Variants in MRPS9 observed in about 807,000 individuals in gnomAD.
The protein encoded by MRPS9 is mitochondrial ribosomal protein S9.
MRPS9 carries 45 observed loss-of-function variants against 59.9 expected under a neutral mutation model. The observed-to-expected ratio is 0.75, with a 90% CI of 0.59 to 0.96. MRPS9 has a LOEUF of 0.96. Ranked by LOEUF, MRPS9 falls within the 40% of genes least tolerant of loss-of-function variation. MRPS9 has a pLI of 0.00. For missense variants in MRPS9, 473 were observed against 481.1 expected (o/e 0.98, Z 0.16); for synonymous variants, 171 against 166.8 (o/e 1.03, Z -0.19).
chr2:105,097,108 G>A, intron 9 of MRPS9, 47 bp from the exon 10 acceptor site: 2 of 1,399,968 alleles, frequency 1.4e-6, no homozygotes, highest in South Asian at 1.8e-5. Flanking sequence ...ACATAATTAT[G>A]TATCTTTATA....
At chr2:105,067,996 A>AT (rs200680572) in intron 2 of MRPS9, among the ~76,000 whole-genome samples, 1 of 151,950 alleles carries the variant, frequency 6.6e-6, no homozygotes, top group Non-Finnish European at 1.5e-5. Flanking sequence ...CTTCTTAAAA[A>AT]TTTTTTTTGT....
At position 105,064,018 on chromosome 2, in the gene MRPS9, G is replaced by A. The variant is rs190613424; in HGVS notation, c.316-7295G>A. Reference sequence around the variant, plus strand: ...AGTTATTTGAGGAACAGTTTTGGATGTGCTGTTTGGATACATAAAGGGAAA... The same window carrying A: ...AGTTATTTGAGGAACAGTTTTGGATATGCTGTTTGGATACATAAAGGGAAA... On this transcript the variant is annotated intron_variant, in intron 2 of 10. Coordinates refer to ENST00000258455, the MANE Select transcript of MRPS9 (RefSeq NM_182640.3). 5.9e-5 allele frequency among the ~76,000 whole-genome samples: 9 copies of A among 152,320 alleles called. No individual in the cohort carries two copies. The East Asian group carries it at 1.7e-3, about 29-fold the overall frequency.
rs550297467 is a variant in MRPS9, at chr2:105,092,439, A to C, written c.690A>C (p.Thr230=). ...TTCGGCTGCTAGAAAAGTTATTGACATCGCAGTGTGGTGCTGCTGAGGAAG... is the reference window on the plus strand; with the variant it reads ...TTCGGCTGCTAGAAAAGTTATTGACCTCGCAGTGTGGTGCTGCTGAGGAAG... The part of the protein sequence containing the change: ...QFIRLLEKLL[T]SQCGAAEEEF... The change falls in exon 8 of 11, where the codon ACA becomes ACC. Residue 230 remains threonine, a synonymous_variant. Coordinates refer to ENST00000258455, the MANE Select transcript of MRPS9 (RefSeq NM_182640.3). 1 of 1,613,208 alleles carries C rather than the reference A, an allele frequency of 6.2e-7. No individual in the cohort carries two copies. The highest frequency in any genetic ancestry group is 1.1e-5 in the South Asian group (1 of 90,790).
intron 5 of MRPS9, among the ~76,000 whole-genome samples, chr2:105,084,319 G>C (rs889698703): frequency 6.6e-6 from 1 of 150,464 alleles, no homozygotes; most frequent in African/African-American, 2.4e-5. Context: ...AGAAAACCAG[G>C]TAATTCTAAT....
In MRPS9 at chr2:105,038,124, C is replaced by A; in HGVS notation, c.32C>A (p.Ala11Glu). The A allele has an allele frequency of 1.2e-6, 2 of 1,613,964 alleles. No homozygotes were observed. The highest frequency in any genetic ancestry group is 1.7e-6 in the Non-Finnish European group (2 of 1,180,000). Residue 11 changes from alanine to glutamate, a missense_variant, in exon 1 of 11, where the codon GCA becomes GAA. Physicochemically the swap from Ala to Glu is moderately radical, Grantham distance 107. Coordinates refer to ENST00000258455, the MANE Select transcript of MRPS9 (RefSeq NM_182640.3). ...GCGCCCTGTGTGTCCTACGGCGGAG[C>A]AGTTTCGTACCGGCTTCTTCTCTGG... MAAPCVSYGGAVSYRLLLWGR... is the reference protein window; with the variant it reads MAAPCVSYGGEVSYRLLLWGR...
At chr2:105,095,132 A>G (rs113584858) in intron 9 of MRPS9, among the ~76,000 whole-genome samples, 2,079 of 152,302 alleles carry the variant, frequency 0.014, 51 homozygotes, top group African/African-American at 0.048. Context: ...CACTTCAGGA[A>G]CTTACAAATC....
chr2:105,043,975 G>T (rs1321426111), intron 1 of MRPS9, among the ~76,000 whole-genome samples: 1 of 138,200 alleles, frequency 7.2e-6, no homozygotes, highest in Non-Finnish European at 1.5e-5. Context: ...TTGCTCTGTT[G>T]CCCAGGCTGG....
chr2:105,050,740 C>T (rs979105167), intron 2 of MRPS9, among the ~76,000 whole-genome samples: 1 of 152,102 alleles, frequency 6.6e-6, no homozygotes, highest in Non-Finnish European at 1.5e-5. Context: ...TTGAAGAGTG[C>T]AACAGGAATA....
chr2:105,058,701 A>T (rs1459142363), intron 2 of MRPS9, among the ~76,000 whole-genome samples: 2 of 143,576 alleles, frequency 1.4e-5, no homozygotes, highest in African/African-American at 5.2e-5. Context: ...TTCGAGACAG[A>T]GTCTCTCTCT....
intron 1 of MRPS9, among the ~76,000 whole-genome samples, chr2:105,044,254 C>G (rs1039334141): frequency 3.3e-5 from 5 of 152,120 alleles, no homozygotes; most frequent in African/African-American, 4.8e-5. Context: ...TTAACAGTGG[C>G]AAAGCAAATT....
intron 10 of MRPS9, chr2:105,098,745 G>T (rs1313837173): frequency 6.6e-6 from 1 of 152,152 alleles, no homozygotes; most frequent in African/African-American, 2.4e-5. Context: ...ACATTAAATG[G>T]TCCTTAATAA....
intron 2 of MRPS9, among the ~76,000 whole-genome samples, chr2:105,059,908 C>T (rs1679863891): frequency 6.6e-6 from 1 of 151,596 alleles, no homozygotes; most frequent in Non-Finnish European, 1.5e-5. Flanking sequence ...TCACCACCTT[C>T]CCCCAGTGAT....
At chr2:105,038,353 G>A in intron 1 of MRPS9, 126 bp downstream of exon 1, 2 of 1,266,444 alleles carry the variant, frequency 1.6e-6, no homozygotes, top group South Asian at 3.0e-5. Flanking sequence ...GGTATTTAGT[G>A]GAGGTCTGAG....
chr2:105,042,897 C>T (rs1053395006), intron 1 of MRPS9, among the ~76,000 whole-genome samples: 3 of 152,182 alleles, frequency 2.0e-5, no homozygotes, highest in Non-Finnish European at 4.4e-5. Context: ...ATGAACTCCA[C>T]AGATCCATCA....
At chr2:105,063,464 AC>A (rs1233340687) in intron 2 of MRPS9, among the ~76,000 whole-genome samples, 1 of 152,230 alleles carries the variant, frequency 6.6e-6, no homozygotes, top group East Asian at 1.9e-4. Context: ...TAATTTGTGT[AC>A]TTTTTCTTAT....
chr2:105,068,758 T>C (rs1467818318), intron 2 of MRPS9, among the ~76,000 whole-genome samples: 1 of 152,252 alleles, frequency 6.6e-6, no homozygotes, highest in Admixed American at 6.5e-5. Flanking sequence ...TCTAGGTACA[T>C]TTCTTTTGTA....
intron 2 of MRPS9, among the ~76,000 whole-genome samples, chr2:105,067,297 G>A (rs1438219645): frequency 6.6e-6 from 1 of 152,116 alleles, no homozygotes; most frequent in Non-Finnish European, 1.5e-5. Context: ...CACTTGTCTT[G>A]TACAGTTGTG....
At chr2:105,054,019 CTT>C (rs774381031) in intron 2 of MRPS9, among the ~76,000 whole-genome samples, 1 of 152,164 alleles carries the variant, frequency 6.6e-6, no homozygotes, top group East Asian at 1.9e-4. Context: ...TTTTTTCTGT[CTT>C]TTTATTAAAA....
At chr2:105,061,637 C>A (rs1447569134) in intron 2 of MRPS9, among the ~76,000 whole-genome samples, 1 of 152,172 alleles carries the variant, frequency 6.6e-6, no homozygotes. Flanking sequence ...CCCCATTCCT[C>A]CCCACCATCC....
Sources: allele counts gnomAD v4.1 joint callset (sites outside exome capture counted in the v4.1 genomes callset), GRCh38; gene constraint gnomAD v4.1.1; transcripts MANE v1.5; gene names NCBI Gene and HGNC (gene_info 2026-07-23, HGNC 2026-07-21).